ADAMTSL1: variants seen among roughly 807,000 people sequenced by gnomAD.
The protein encoded by ADAMTSL1 is ADAMTS-like protein 1.
ADAMTSL1 carries 126 observed loss-of-function variants against 201.8 expected under a neutral mutation model. The ratio of observed to expected loss-of-function variants is 0.62; its 90% CI spans 0.54 to 0.72. The LOEUF (loss-of-function observed/expected upper bound fraction) is 0.72. ADAMTSL1 is among the 30% of genes least tolerant of loss of function. The probability of loss-of-function intolerance (pLI) is 0.00; values close to 1 mark genes in which losing one functional copy is unlikely to be tolerated. For missense variants in ADAMTSL1, 2,679 were observed against 2,277.8 expected (o/e 1.18, Z -3.59); for synonymous variants, 1,121 against 903.4 (o/e 1.24, Z -4.32).
At chr9:17,963,531 G>T (rs903694456) in intron 1 of ADAMTSL1, among the ~76,000 whole-genome samples, 14 of 152,144 alleles carry the variant, frequency 9.2e-5, no homozygotes, top group African/African-American at 3.4e-4. Flanking sequence ...AAAAACAGTA[G>T]GGAATCAAGA....
At chr9:18,209,185 T>TTA (rs759692313) in intron 2 of ADAMTSL1, among the ~76,000 whole-genome samples, 81 of 152,280 alleles carry the variant, frequency 5.3e-4, no homozygotes, top group Middle Eastern at 3.4e-3. Flanking sequence ...GAAATGTTTG[T>TTA]TATATGTTTT....
Position 18,777,819 on chromosome 9 carries a change from G to C in ADAMTSL1, c.3590G>C (p.Ser1197Thr), listed in dbSNP as rs777995779. The C allele has an allele frequency of 5.6e-6, 9 of 1,613,592 alleles. No individual in the cohort carries two copies. Among genetic ancestry groups the C allele is most frequent in the Non-Finnish European group, 7.6e-6 (9 of 1,179,702 alleles). ...GTGGCCCTGGCCAGCGGGACACTGA[G>C]TGTTCTTCTGCACTGTGAGGCCATC... Reference protein sequence around the residue: ...QTVALASGTLSVLLHCEAIGH... With the variant: ...QTVALASGTLTVLLHCEAIGH... The change falls in exon 19 of 29, where the codon AGT (serine) becomes ACT (threonine). Residue 1197 changes from serine (S) to threonine (T), a missense_variant. Transcript: ENST00000380548.
intron 2 of ADAMTSL1, among the ~76,000 whole-genome samples, chr9:18,331,165 A>G (rs1835012965): frequency 6.6e-6 from 1 of 152,134 alleles, no homozygotes; most frequent in Non-Finnish European, 1.5e-5. Context: ...GGACTGCAAG[A>G]AGGAATGTGG....
intron 15 of ADAMTSL1, among the ~76,000 whole-genome samples, chr9:18,737,174 C>T (rs1818547589): frequency 6.6e-6 from 1 of 152,018 alleles, no homozygotes; most frequent in Non-Finnish European, 1.5e-5. Flanking sequence ...CAAAAATTAG[C>T]CGGGCGTGAT....
chr9:18,587,447 G>A (rs1000488971), intron 4 of ADAMTSL1, among the ~76,000 whole-genome samples: 19 of 151,966 alleles, frequency 1.3e-4, no homozygotes, highest in Non-Finnish European at 2.4e-4. Context: ...GAGTTACTGG[G>A]GTATCTATCA....
At chr9:18,110,682 C>T (rs1005135366) in intron 1 of ADAMTSL1, among the ~76,000 whole-genome samples, 2 of 152,134 alleles carry the variant, frequency 1.3e-5, no homozygotes, top group East Asian at 1.9e-4. Flanking sequence ...CATGGAGACT[C>T]TCTAAGCTAA....
At chr9:18,175,609 T>C (rs1210218921) in intron 2 of ADAMTSL1, among the ~76,000 whole-genome samples, 2 of 152,192 alleles carry the variant, frequency 1.3e-5, no homozygotes, top group Non-Finnish European at 2.9e-5. Flanking sequence ...TATCATATTA[T>C]CAGTTCAGTG....
At chr9:18,813,504 C>G (rs1275480926) in intron 20 of ADAMTSL1, among the ~76,000 whole-genome samples, 8 of 152,146 alleles carry the variant, frequency 5.3e-5, no homozygotes. Flanking sequence ...TTTCTTTCAT[C>G]AATGTTTTAT....
In ADAMTSL1 at chr9:18,039,370, G is replaced by A. The variant is rs561462013; in HGVS notation, c.88-124492G>A. 9.9e-5 allele frequency among the ~76,000 whole-genome samples: 15 copies of A among 152,108 alleles called. No individual in the cohort carries two copies. In the South Asian group the frequency reaches 3.1e-3, roughly 32 times the overall value. On this transcript the variant is annotated intron_variant, in intron 1 of 29. Transcript: ENST00000680146. Reference sequence around the variant, plus strand: ...TATTTTTTTTTACTTCTCAGTGACGGATAATGCCTTCCTACAGGTGACTGT... The same window carrying A: ...TATTTTTTTTTACTTCTCAGTGACGAATAATGCCTTCCTACAGGTGACTGT...
In ADAMTSL1 at chr9:18,443,358, T is replaced by G. The variant is rs187554236; in HGVS notation, c.208-61471T>G. The stretch of plus-strand genomic sequence containing the variant: ...AGCTGAGGATACATTACTTTTTGTC[T>G]TTCTCCTTCAGTGTATAATGAATAC... On this transcript the variant is annotated intron_variant, in intron 2 of 29. Transcript: ENST00000680146. Among the ~76,000 whole-genome samples the G allele has an allele frequency of 1.1e-4, 16 of 152,350 alleles. No homozygotes were observed. The East Asian group carries it at 2.7e-3, about 26-fold the overall frequency.
intron 2 of ADAMTSL1, among the ~76,000 whole-genome samples, chr9:18,467,417 T>G (rs1821048914): frequency 1.3e-5 from 2 of 152,182 alleles, no homozygotes; most frequent in African/African-American, 4.8e-5. Context: ...TTTGACAGGT[T>G]TAAAACTTCT....
chr9:18,631,639 C>G (rs1249629241), intron 5 of ADAMTSL1, among the ~76,000 whole-genome samples: 2 of 152,116 alleles, frequency 1.3e-5, no homozygotes, highest in African/African-American at 4.8e-5. Flanking sequence ...ATCCTCATCA[C>G]CTTTCTCTGA....
chr9:18,486,999 G>A (rs1312835977), intron 1 of ADAMTSL1, among the ~76,000 whole-genome samples: 1 of 152,150 alleles, frequency 6.6e-6, no homozygotes, highest in African/African-American at 2.4e-5. Context: ...CACACGTGAA[G>A]TTCCCTTTGA....
intron 1 of ADAMTSL1, among the ~76,000 whole-genome samples, chr9:18,489,261 T>C (rs1406371058): frequency 1.3e-5 from 2 of 152,210 alleles, no homozygotes; most frequent in Non-Finnish European, 2.9e-5. Flanking sequence ...CCTTCCTCCC[T>C]GTGAAAATCA....
intron 1 of ADAMTSL1, among the ~76,000 whole-genome samples, chr9:18,137,707 T>C (rs1374590423): frequency 1.3e-5 from 2 of 152,152 alleles, no homozygotes; most frequent in Non-Finnish European, 2.9e-5. Context: ...CCACCTGAAA[T>C]GATGGAATGC....
At chr9:18,206,665 A>G (rs1011187207) in intron 2 of ADAMTSL1, among the ~76,000 whole-genome samples, 4 of 152,012 alleles carry the variant, frequency 2.6e-5, no homozygotes, top group Non-Finnish European at 4.4e-5. Flanking sequence ...TCCTTTCTCT[A>G]TCTTTTAGGA....
chr9:17,945,975 TAAA>T (rs1052037936), intron 1 of ADAMTSL1, among the ~76,000 whole-genome samples: 1 of 151,024 alleles, frequency 6.6e-6, no homozygotes. Flanking sequence ...ATAATAATAA[TAAA>T]AAAAAGAAAA....
chr9:18,016,593 G>A (rs1820270673), intron 1 of ADAMTSL1, among the ~76,000 whole-genome samples: 2 of 151,980 alleles, frequency 1.3e-5, no homozygotes, highest in East Asian at 1.9e-4. Context: ...CCAACTCTGT[G>A]CACATAGTGA....
intron 2 of ADAMTSL1, among the ~76,000 whole-genome samples, chr9:18,366,792 ATTTTT>A (rs1192088319): frequency 3.3e-5 from 5 of 151,172 alleles, no homozygotes; most frequent in Non-Finnish European, 5.9e-5. Context: ...TAATTTTTGT[ATTTTT>A]AGTAGAGACA....
Sources: allele counts gnomAD v4.1 joint callset (sites outside exome capture counted in the v4.1 genomes callset), GRCh38; gene constraint gnomAD v4.1.1; transcripts MANE v1.5; gene names NCBI Gene and HGNC (gene_info 2026-07-23, HGNC 2026-07-21).